PDE7A: variants seen among roughly 807,000 people sequenced by gnomAD.
PDE7A encodes high affinity 3',5'-cyclic-AMP phosphodiesterase 7A.
In PDE7A, 39 loss-of-function variants were observed where a neutral mutation model predicts 64.3. The observed-to-expected ratio is 0.61, with a 90% confidence interval of 0.47 to 0.79. The LOEUF is 0.79. Among genes scored for constraint, PDE7A ranks in the 30% least tolerant of loss-of-function variants. The pLI, the probability that PDE7A is intolerant of heterozygous loss-of-function variation, is 0.00. For missense variants in PDE7A, 470 were observed against 582.8 expected, an observed-to-expected ratio of 0.81 and a Z score of 1.99; for synonymous variants, 203 against 206.8, an observed-to-expected ratio of 0.98 and a Z score of 0.16.
chr8:65,770,332 G>T (rs903177030), intron 3 of PDE7A, among the ~76,000 whole-genome samples: 1 of 152,210 alleles, frequency 6.6e-6, no homozygotes, highest in Non-Finnish European at 1.5e-5. Context: ...TGGCTGGGGA[G>T]GCCTCATAAT....
intron 3 of PDE7A, among the ~76,000 whole-genome samples, chr8:65,773,859 C>T (rs919758976): frequency 2.0e-5 from 3 of 152,116 alleles, no homozygotes; most frequent in Non-Finnish European, 2.9e-5. Context: ...TTATATTTTT[C>T]GAATTCTCTT....
At chr8:65,723,237 T>A (rs1374913273) in intron 12 of PDE7A, 2 of 174,604 alleles carry the variant, frequency 1.1e-5, no homozygotes, top group Non-Finnish European at 2.4e-5. Flanking sequence ...TATCCTTTTT[T>A]AAATGGCAGT....
At chr8:65,805,655 A>G (rs1810091740) in intron 1 of PDE7A, among the ~76,000 whole-genome samples, 1 of 152,052 alleles carries the variant, frequency 6.6e-6, no homozygotes, top group Non-Finnish European at 1.5e-5. Flanking sequence ...AATCACGTAC[A>G]CCCCTTCCCT....
chr8:65,812,928 C>G (rs1241478925), intron 1 of PDE7A, among the ~76,000 whole-genome samples: 1 of 152,162 alleles, frequency 6.6e-6, no homozygotes, highest in East Asian at 1.9e-4. Context: ...CAAAAAGGCT[C>G]ACTAGCCAAC....
intron 1 of PDE7A, among the ~76,000 whole-genome samples, chr8:65,812,223 A>G (rs1319669122): frequency 2.0e-5 from 3 of 152,134 alleles, no homozygotes; most frequent in Non-Finnish European, 4.4e-5. Context: ...AAAAAAAAAA[A>G]AAAAAGTCCA....
Position 65,833,529 on chromosome 8 carries a change from A to G in PDE7A, c.138+7842T>C, listed in dbSNP as rs61363082. 5.9e-5 allele frequency among the ~76,000 whole-genome samples: 9 copies of G among 152,358 alleles called. No homozygotes were observed. The East Asian group carries it at 1.7e-3, about 29-fold the overall frequency. ...CCCTGATTAGGCAGGCCAGATTAAA[A>G]GTGAAGGTCTTGGAGCACAACAGGC... is the stretch of plus-strand genomic sequence containing the variant. On this transcript the variant is annotated intron_variant, in intron 1 of 12. Transcript: ENST00000401827.
At chr8:65,766,261 C>CA (rs1360264031) in intron 3 of PDE7A, among the ~76,000 whole-genome samples, 11 of 152,020 alleles carry the variant, frequency 7.2e-5, no homozygotes, top group South Asian at 2.1e-4. Context: ...GAATTTTTGA[C>CA]AAAAAAATCA....
At chr8:65,801,253 C>G (rs1164683382) in intron 1 of PDE7A, among the ~76,000 whole-genome samples, 1 of 152,166 alleles carries the variant, frequency 6.6e-6, no homozygotes, top group Non-Finnish European at 1.5e-5. Context: ...AGAATACTTC[C>G]ATTTCCAACA....
chr8:65,822,054 G>A (rs1051917298), intron 1 of PDE7A, among the ~76,000 whole-genome samples: 2 of 152,054 alleles, frequency 1.3e-5, no homozygotes, highest in Admixed American at 6.6e-5. Context: ...AAACAAAGAG[G>A]GTATGTTGAC....
intron 3 of PDE7A, among the ~76,000 whole-genome samples, chr8:65,749,113 G>A (rs940904925): frequency 2.0e-5 from 3 of 152,160 alleles, no homozygotes; most frequent in African/African-American, 7.2e-5. Flanking sequence ...GAGGCGGGAA[G>A]CACCCGCTCT....
At chr8:65,806,856 C>A (rs1198811991) in intron 1 of PDE7A, among the ~76,000 whole-genome samples, 1 of 152,212 alleles carries the variant, frequency 6.6e-6, no homozygotes, top group Non-Finnish European at 1.5e-5. Context: ...ACCACAGACA[C>A]ATTAGTTTAT....
At chr8:65,822,596 C>T (rs1047206098) in intron 1 of PDE7A, among the ~76,000 whole-genome samples, 9 of 152,192 alleles carry the variant, frequency 5.9e-5, no homozygotes, top group African/African-American at 2.2e-4. Context: ...ATACTGAAGT[C>T]GGAACAGATC....
rs1806107408 is a variant in PDE7A at position 65,715,741 on chromosome 8, T to C, written c.*3549A>G. Among the ~76,000 whole-genome samples the C allele has an allele frequency of 6.8e-6, 1 of 147,132 alleles. No homozygotes were observed. The highest frequency in any genetic ancestry group is 1.5e-5 in the Non-Finnish European group (1 of 66,478). ...TGGCTCACGCCTGTAATCCCAGCAC[T>C]ATGGGAGGCCGAGGCGGGCGGATCA... is the stretch of plus-strand genomic sequence containing the variant. On this transcript the variant is annotated 3_prime_UTR_variant, in exon 13 of 13. Coordinates refer to ENST00000401827, the MANE Select transcript of PDE7A (RefSeq NM_001242318.3).
intron 3 of PDE7A, among the ~76,000 whole-genome samples, chr8:65,748,988 T>G (rs1318799017): frequency 6.6e-6 from 1 of 152,204 alleles, no homozygotes; most frequent in East Asian, 1.9e-4. Context: ...AATATGAACT[T>G]CATTTCCTTA....
chr8:65,801,275 T>C (rs1178962359), intron 1 of PDE7A, among the ~76,000 whole-genome samples: 2 of 152,222 alleles, frequency 1.3e-5, no homozygotes, highest in Middle Eastern at 3.2e-3. Flanking sequence ...TGGACTAGTT[T>C]AGAAACACAA....
At chr8:65,737,580 C>T (rs1383584448) in intron 6 of PDE7A, among the ~76,000 whole-genome samples, 1 of 151,550 alleles carries the variant, frequency 6.6e-6, no homozygotes, top group Non-Finnish European at 1.5e-5. Context: ...TCTCGGCTCA[C>T]TCTCTCTCTC....
chr8:65,806,085 G>T (rs1454301687), intron 1 of PDE7A, among the ~76,000 whole-genome samples: 2 of 152,106 alleles, frequency 1.3e-5, no homozygotes, highest in Non-Finnish European at 2.9e-5. Flanking sequence ...TTTCATTACA[G>T]CATTGTTTAT....
intron 7 of PDE7A, among the ~76,000 whole-genome samples, chr8:65,730,197 T>TTTTTTTTTTG (rs1806810961): frequency 8.4e-6 from 1 of 119,324 alleles, no homozygotes; most frequent in African/African-American, 3.5e-5. Flanking sequence ...TTTTTTTTTT[T>TTTTTTTTTTG]GAGATGGAGT....
rs1295965698 is a variant in PDE7A at position 65,730,171 on chromosome 8, C to CTTCTTTTTTTTT, written c.697-2871_697-2870insAAAAAAAAAGAA. Among the ~76,000 whole-genome samples the CTTCTTTTTTTTT allele has an allele frequency of 3.2e-3, 276 of 86,436 alleles. 57 individuals carry two copies. Among genetic ancestry groups the CTTCTTTTTTTTT allele is most frequent in the South Asian group, 0.014 (29 of 2,108 alleles). 56.7% of individuals were successfully genotyped at this position (86,436 alleles called of 152,430 possible). A position where few individuals can be genotyped will look rare whatever the true frequency, so the allele number is the denominator to read the frequency against. ...TGTGAGGGATCCAGGTTGCGCACTT[C>CTTCTTTTTTTTT]TTTTTTTTTTTTTTTTTTTTTTTTT... On this transcript the variant is annotated intron_variant, in intron 7 of 12. Transcript: ENST00000401827.
Sources: gnomAD v4.1 joint callset for allele counts (sites outside exome capture counted in the v4.1 genomes callset) on GRCh38, gnomAD v4.1.1 for gene constraint, MANE v1.5 for transcripts, NCBI Gene and HGNC (gene_info 2026-07-23, HGNC 2026-07-21) for gene names.